The following CELF2 variants were observed in gnomAD, a reference collection of about 807,000 sequenced individuals.
The protein encoded by CELF2 is CUG triplet repeat RNA-binding protein 2.
CELF2 carries 8 observed loss-of-function variants against 62.6 expected under a neutral mutation model. The ratio of observed to expected loss-of-function variants is 0.13; its 90% CI spans 0.07 to 0.23. The LOEUF is 0.23. CELF2 is among the 10% of genes least tolerant of loss of function. CELF2 has a pLI of 1.00. For synonymous variants in CELF2, 258 were observed against 250.0 expected (o/e 1.03, Z -0.30); for missense variants, 333 against 671.0 (o/e 0.50, Z 5.56).
At position 11,159,322 on chromosome 10, in the gene CELF2, C is replaced by T. The variant is rs1286418316; in HGVS notation, c.75-6164C>T. Among the ~76,000 whole-genome samples the T allele has an allele frequency of 6.6e-6, 1 of 152,218 alleles. No homozygotes were observed. On this transcript the variant is annotated intron_variant, in intron 1 of 12. Transcript: ENST00000633077. The surrounding 1 kb of genome is among the most constrained non-coding windows in gnomAD (Gnocchi z 5.0). ...GCCCTGGATGCCACTACAGTTAAGA[C>T]ATAGCTGTGTCAGAAAGGTGGCAAA...
At chr10:10,597,473 A>T in the CELF2 span, among the ~76,000 whole-genome samples, 2 of 152,206 alleles carry the variant, frequency 1.3e-5, no homozygotes, top group Non-Finnish European at 2.9e-5. Context: ...TTGAATAACA[A>T]TGACAAGCCA....
the CELF2 span, among the ~76,000 whole-genome samples, chr10:10,759,755 C>T: frequency 6.6e-6 from 1 of 152,132 alleles, no homozygotes; most frequent in Non-Finnish European, 1.5e-5. Flanking sequence ...ATCTTCCTCT[C>T]CCTGCCAGAA....
chr10:11,066,095 G>A lies in CELF2; in HGVS notation c.74+47932G>A, dbSNP rs534999292. ...GAGGAAAAAAGGAGATCAGGCCACC[G>A]GAAGTGGGGTCCCAGCCACACAGGG... On this transcript the variant is annotated intron_variant, in intron 1 of 12. Transcript: ENST00000633077. Among the ~76,000 whole-genome samples, 20 of 152,278 alleles carry A rather than the reference G, an allele frequency of 1.3e-4. No homozygotes were observed. In the South Asian group the frequency reaches 1.9e-3, roughly 14 times the overall value.
rs112948489 is a variant in CELF2, at chr10:10,928,153, T to C, written c.89+8154T>C. Among the ~76,000 whole-genome samples the C allele has an allele frequency of 2.7e-3, 412 of 152,310 alleles. 2 individuals are homozygous for C. Among genetic ancestry groups the C allele is most frequent in the African/African-American group, 9.6e-3 (400 of 41,564 alleles). ...TCGCCATATTTATTGTCATCTATTT[T>C]TTATTTGTTGATTTATAAATGATCT... On this transcript the variant is annotated intron_variant, in intron 2 of 13. Coordinates refer to the CELF2 transcript ENST00000636488. This position sits in a 1 kb window ranked among gnomAD's most constrained non-coding sequence, Gnocchi z 4.8.
chr10:11,162,416 T>C (rs2065928225), intron 1 of CELF2, among the ~76,000 whole-genome samples: 2 of 152,366 alleles, frequency 1.3e-5, no homozygotes, highest in Non-Finnish European at 2.9e-5. Context: ...GGGATTGTCC[T>C]GCCCTTAGAA....
rs539286028 is a variant in CELF2 at position 11,254,475 on chromosome 10, G to C, written c.404-3263G>C. On this transcript the variant is annotated intron_variant, in intron 4 of 12. Transcript: ENST00000633077. ...AAAAGTGCGAGTTATCTTTCTTCTTGTTGCCTGGCTGAGTTGACCTTGAGT... is the reference window on the plus strand; with the variant it reads ...AAAAGTGCGAGTTATCTTTCTTCTTCTTGCCTGGCTGAGTTGACCTTGAGT... Among the ~76,000 whole-genome samples the C allele has an allele frequency of 2.1e-4, 32 of 152,278 alleles. 2 individuals carry two copies. In the South Asian group the frequency reaches 6.0e-3, roughly 29 times the overall value.
rs1246653338 is a variant in CELF2 at position 11,110,215 on chromosome 10, A to T, written c.75-55271A>T. 2.0e-5 allele frequency among the ~76,000 whole-genome samples: 3 copies of T among 152,308 alleles called. No individual in the cohort carries two copies. The highest frequency in any genetic ancestry group is 2.0e-4 in the Admixed American group (3 of 15,294). On this transcript the variant is annotated intron_variant, in intron 1 of 12. Coordinates refer to ENST00000633077, the MANE Select transcript of CELF2 (RefSeq NM_001326342.2). This position sits in a 1 kb window ranked among gnomAD's most constrained non-coding sequence, Gnocchi z 4.0. The stretch of plus-strand genomic sequence containing the variant: ...CTTGAGCCTGAGAGGTCAAGGCTGC[A>T]TGGAACCCTGAACGTCCTACCGCAC...
chr10:10,566,165 A>T, the CELF2 span, among the ~76,000 whole-genome samples: 8 of 152,220 alleles, frequency 5.3e-5, no homozygotes, highest in African/African-American at 1.9e-4. Flanking sequence ...AGGGATAAGC[A>T]TATTAGGTTT....
chr10:10,607,456 C>G, the CELF2 span, among the ~76,000 whole-genome samples: 1 of 152,102 alleles, frequency 6.6e-6, no homozygotes, highest in Admixed American at 6.6e-5. Flanking sequence ...GATCTCAAAG[C>G]CAAGTGTGTA....
At chr10:11,027,728 A>G (rs1231394195) in intron 1 of CELF2, among the ~76,000 whole-genome samples, 2 of 152,174 alleles carry the variant, frequency 1.3e-5, no homozygotes, top group African/African-American at 4.8e-5. Context: ...CTTCAAGGCT[A>G]GGCGTCCTTT....
chr10:10,961,239 G>A (rs1019349819), intron 2 of CELF2, among the ~76,000 whole-genome samples: 1 of 152,180 alleles, frequency 6.6e-6, no homozygotes, highest in Non-Finnish European at 1.5e-5. Context: ...TTTTAAAGGA[G>A]ACCCAAAGGA....
At position 11,075,806 on chromosome 10, in the gene CELF2, G is replaced by A. The variant is rs1207795416; in HGVS notation, c.74+57643G>A. 5.9e-5 allele frequency among the ~76,000 whole-genome samples: 9 copies of A among 151,606 alleles called. No homozygotes were observed. Among genetic ancestry groups the A allele is most frequent in the African/African-American group, 1.7e-4 (7 of 41,092 alleles). ...CTATGGAATGATGGTTGAAAACGTCGTAGGCAAGAAAAAAGCATCAGTATT... is the reference window on the plus strand; with the variant it reads ...CTATGGAATGATGGTTGAAAACGTCATAGGCAAGAAAAAAGCATCAGTATT... On this transcript the variant is annotated intron_variant, in intron 1 of 12. Coordinates refer to ENST00000633077, the MANE Select transcript of CELF2 (RefSeq NM_001326342.2). The surrounding 1 kb of genome is among the most constrained non-coding windows in gnomAD (Gnocchi z 5.4).
chr10:11,113,042 C>T (rs1298411536), intron 1 of CELF2, among the ~76,000 whole-genome samples: 2 of 152,100 alleles, frequency 1.3e-5, no homozygotes, highest in Non-Finnish European at 2.9e-5. Context: ...AGCCCATATC[C>T]GAAGCTTGTG....
At chr10:11,040,156 G>A (rs367793837) in intron 1 of CELF2, among the ~76,000 whole-genome samples, 92 of 152,302 alleles carry the variant, frequency 6.0e-4, no homozygotes, top group African/African-American at 2.1e-3. Flanking sequence ...TCTCAGGGCA[G>A]TCCAAAGCAG....
chr10:10,580,169 G>T, the CELF2 span, among the ~76,000 whole-genome samples: 2 of 152,084 alleles, frequency 1.3e-5, no homozygotes, highest in African/African-American at 4.8e-5. Flanking sequence ...GAGTTGGAAA[G>T]GTCAAGCCAT....
chr10:10,841,650 G>T (rs2058694486), intron 1 of CELF2, among the ~76,000 whole-genome samples: 1 of 151,404 alleles, frequency 6.6e-6, no homozygotes, highest in Non-Finnish European at 1.5e-5. Flanking sequence ...ACACCATGCT[G>T]TCTTGATTAT....
the CELF2 span, among the ~76,000 whole-genome samples, chr10:10,766,711 C>G: frequency 6.6e-6 from 1 of 152,216 alleles, no homozygotes; most frequent in African/African-American, 2.4e-5. Flanking sequence ...CCTGCTATGT[C>G]TGCCCTGGGG....
At chr10:11,253,191 T>C (rs1317194566) in intron 4 of CELF2, among the ~76,000 whole-genome samples, 1 of 152,206 alleles carries the variant, frequency 6.6e-6, no homozygotes, top group Non-Finnish European at 1.5e-5. Flanking sequence ...TTGCTTGTTG[T>C]TTTTACTCTA....
chr10:11,017,778 C>T (rs932296717), upstream of CELF2: 1 of 198,342 alleles, frequency 5.0e-6, no homozygotes, highest in Non-Finnish European at 9.0e-6. The surrounding 1 kb of genome is among the most constrained non-coding windows in gnomAD (Gnocchi z 5.5). Context: ...GGCGGCCCGC[C>T]CTGTGTCCCC....
Sources: allele counts gnomAD v4.1 joint callset (sites outside exome capture counted in the v4.1 genomes callset), GRCh38; gene constraint gnomAD v4.1.1; non-coding constraint Gnocchi (gnomAD v3.1); transcripts MANE v1.5; gene names NCBI Gene and HGNC (gene_info 2026-07-23, HGNC 2026-07-21).